ABI2: variants seen among roughly 807,000 people sequenced by gnomAD.
ABI2 encodes abl interactor 2.
Under a neutral mutation model 59.2 loss-of-function variants are expected in ABI2, and 25 were observed. The observed-to-expected ratio is 0.42, with a 90% confidence interval of 0.31 to 0.59. The LOEUF is 0.59. ABI2 is among the 20% of genes least tolerant of loss of function. The probability of loss-of-function intolerance (pLI) is 0.14; values close to 1 mark genes in which losing one functional copy is unlikely to be tolerated. For synonymous variants in ABI2, 213 were observed against 235.5 expected (o/e 0.90, Z 0.87); for missense variants, 545 against 681.8 (o/e 0.80, Z 2.23).
chr2:203,345,359 A>G (rs1350603120), intron 1 of ABI2, among the ~76,000 whole-genome samples: 2 of 152,200 alleles, frequency 1.3e-5, no homozygotes, highest in Admixed American at 1.3e-4. Flanking sequence ...ATCTGAAGGA[A>G]CAAACTCCGG....
intron 1 of ABI2, among the ~76,000 whole-genome samples, chr2:203,335,768 T>C (rs1373010657): frequency 6.6e-6 from 1 of 152,220 alleles, no homozygotes; most frequent in Non-Finnish European, 1.5e-5. Flanking sequence ...CAGCTTTGTT[T>C]TGAATCATTT....
chr2:203,338,566 G>A (rs916901912), intron 1 of ABI2, among the ~76,000 whole-genome samples: 1 of 152,036 alleles, frequency 6.6e-6, no homozygotes, highest in Non-Finnish European at 1.5e-5. Flanking sequence ...CCAGAAGTAC[G>A]TGCCAGCACT....
At chr2:203,378,533 C>T (rs2095873940) in intron 2 of ABI2, among the ~76,000 whole-genome samples, 1 of 152,132 alleles carries the variant, frequency 6.6e-6, no homozygotes, top group African/African-American at 2.4e-5. Context: ...TTTTTAAGGT[C>T]TCTTGGTTGT....
rs144970407 is a variant in ABI2, at chr2:203,394,782, A to G, written c.661A>G (p.Met221Val). ...TTACGTACCTAGCCCAACCCGTAAT[A>G]TGGCTCCCTCGCAGCAGAGCCCTGT... The part of the protein sequence containing the change: ...NDYVPSPTRN[M>V]APSQQSPVRT... The change falls in exon 6 of 12, where the codon ATG becomes GTG. Residue 221 changes from methionine (M) to valine (V), a missense_variant. Coordinates refer to ENST00000261018, the MANE Select transcript of ABI2 (RefSeq NM_001375670.1). 2.9e-4 allele frequency: 469 copies of G among 1,614,036 alleles called. No homozygotes were observed. The highest frequency in any genetic ancestry group is 3.9e-4 in the Non-Finnish European group (455 of 1,180,022).
chr2:203,355,366 G>A (rs941135263), intron 1 of ABI2: 1 of 204,314 alleles, frequency 4.9e-6, no homozygotes, highest in African/African-American at 2.3e-5. Flanking sequence ...AAAAAAATTA[G>A]CCAGGCGTGG....
At chr2:203,408,651 A>T (rs938177987) in intron 9 of ABI2, among the ~76,000 whole-genome samples, 1 of 151,814 alleles carries the variant, frequency 6.6e-6, no homozygotes, top group African/African-American at 2.4e-5. Context: ...GTAGAGAAAC[A>T]GTGACTGAAG....
In ABI2 at chr2:203,418,849, C is replaced by A. The variant is rs140353783; in HGVS notation, c.1453+1768C>A. ...TCACAGATCCAAGAAGTTCAATAAA[C>A]CCCAAATAGAAGAAAAGAAAATCTT... is the stretch of plus-strand genomic sequence containing the variant. On this transcript the variant is annotated intron_variant, in intron 11 of 11. Coordinates refer to ENST00000261018, the MANE Select transcript of ABI2 (RefSeq NM_001375670.1). Among the ~76,000 whole-genome samples, 190 of 152,250 alleles carry A rather than the reference C, an allele frequency of 1.2e-3. 1 individual carries two copies. Among genetic ancestry groups the A allele is most frequent in the African/African-American group, 4.4e-3 (184 of 41,536 alleles).
At position 203,417,003 on chromosome 2, in the gene ABI2, G is replaced by A; in HGVS notation, c.1375G>A (p.Glu459Lys). 1 of 1,614,204 alleles carries A rather than the reference G, an allele frequency of 6.2e-7. No individual in the cohort carries two copies. Among genetic ancestry groups the A allele is most frequent in the Non-Finnish European group, 8.5e-7 (1 of 1,180,038 alleles). The stretch of plus-strand genomic sequence containing the variant: ...TCCTCCAGAAGATTACGAAGAGGAG[G>A]AAGCTGCTGTGGTTGAGTATAGTGA... ...PPPPEDYEEE[E>K]AAVVEYSDPY... Residue 459 changes from glutamate to lysine, a missense_variant, in exon 11 of 12, where the codon GAA becomes AAA. Physicochemically the swap from Glu to Lys is moderately conservative, Grantham distance 56 (BLOSUM62 1). Around this residue, in one of 4 missense-constraint regions of ABI2, gnomAD observed 44 missense variants for 106.4 expected, o/e 0.41. Coordinates refer to ENST00000261018, the MANE Select transcript of ABI2 (RefSeq NM_001375670.1).
intron 4 of ABI2, among the ~76,000 whole-genome samples, chr2:203,384,312 T>TTTGTTTTGTTTTTG (rs2096353584): frequency 4.1e-5 from 3 of 73,958 alleles, no homozygotes; most frequent in African/African-American, 1.4e-4. Flanking sequence ...TTTTTTTTTT[T>TTTGTTTTGTTTTTG]TTTTTTTTTT....
intron 1 of ABI2, among the ~76,000 whole-genome samples, chr2:203,359,877 A>G (rs2093145398): frequency 6.6e-6 from 1 of 152,062 alleles, no homozygotes; most frequent in East Asian, 1.9e-4. Context: ...AGACTATAGC[A>G]ATGAATATTT....
At chr2:203,391,195 A>G in intron 5 of ABI2, 52 bp downstream of exon 5, 2 of 1,229,716 alleles carry the variant, frequency 1.6e-6, no homozygotes, top group Non-Finnish European at 2.3e-6. Context: ...TTGTTTAAAA[A>G]TGAAGCACAA....
chr2:203,386,640 CTTTTTTT>C (rs537240194), intron 4 of ABI2: 1 of 121,718 alleles, frequency 8.2e-6, no homozygotes, highest in African/African-American at 3.1e-5. Context: ...GTAGACATTG[CTTTTTTT>C]TTTTTTTTTT....
chr2:203,339,594 AAAAG>A (rs2078696435), intron 1 of ABI2, among the ~76,000 whole-genome samples: 2 of 151,802 alleles, frequency 1.3e-5, no homozygotes, highest in South Asian at 4.2e-4. Flanking sequence ...AAAAAAAAAA[AAAAG>A]AAAAAGAAAA....
At chr2:203,357,017 C>T (rs1347143162) in intron 1 of ABI2, among the ~76,000 whole-genome samples, 1 of 146,924 alleles carries the variant, frequency 6.8e-6, no homozygotes, top group African/African-American at 2.4e-5. Context: ...ATTACTTCTT[C>T]AAATAATGAG....
At position 203,395,791 on chromosome 2, in the gene ABI2, C is replaced by T. The variant is rs1375118317; in HGVS notation, c.850+11C>T. 1.3e-6 allele frequency: 2 copies of T among 1,581,466 alleles called. No homozygotes were observed. Among genetic ancestry groups the T allele is most frequent in the Non-Finnish European group, 1.7e-6 (2 of 1,163,780 alleles). ...CCAGTGTCTTTCCAGGTAAAACATT[C>T]ATGGTGCCTCGTCTTCACTTTTCCT... On this transcript the variant is annotated intron_variant, in intron 7 of 11. Transcript: ENST00000261018.
rs180940841 is a variant in ABI2 at position 203,347,089 on chromosome 2, C to T, written c.117+18458C>T. On this transcript the variant is annotated intron_variant, in intron 1 of 11. Transcript: ENST00000261018. The stretch of plus-strand genomic sequence containing the variant: ...AAGCTATTAAATTATGATGATTGCC[C>T]TAACATGTGCATCAGGTACTTTTTT... Among the ~76,000 whole-genome samples the T allele has an allele frequency of 1.9e-4, 29 of 152,178 alleles. No individual in the cohort carries two copies. The East Asian group carries it at 5.4e-3, about 28-fold the overall frequency.
intron 11 of ABI2, among the ~76,000 whole-genome samples, chr2:203,422,691 G>A (rs1580944467): frequency 6.6e-6 from 1 of 152,264 alleles, no homozygotes; most frequent in Non-Finnish European, 1.5e-5. Flanking sequence ...AAAAGTAGAA[G>A]GCCAGTTTTT....
At chr2:203,369,965 G>GT (rs2094958313) in intron 2 of ABI2, among the ~76,000 whole-genome samples, 1 of 151,538 alleles carries the variant, frequency 6.6e-6, no homozygotes, top group Non-Finnish European at 1.5e-5. Flanking sequence ...TAAAAAGTCA[G>GT]TTGAATATCA....
At chr2:203,328,666 C>A (rs772754179) in intron 1 of ABI2, 35 bp downstream of exon 1, 21 of 1,418,354 alleles carry the variant, frequency 1.5e-5, no homozygotes, top group Admixed American at 2.5e-5. Flanking sequence ...GCGTCGGGGA[C>A]CCCCCCGCCG....
Sources: gnomAD v4.1 joint callset for allele counts (sites outside exome capture counted in the v4.1 genomes callset) on GRCh38, gnomAD v4.1.1 for gene constraint, gnomAD v4.1.1 regional missense constraint, MANE v1.5 for transcripts, NCBI Gene and HGNC (gene_info 2026-07-23, HGNC 2026-07-21) for gene names.